Variants in IFIH1 observed in about 807,000 individuals in gnomAD.
The protein encoded by IFIH1 is interferon induced with helicase C domain 1.
In IFIH1, 125 loss-of-function variants were observed where a neutral mutation model predicts 107.4. The observed-to-expected ratio is 1.16, with a 90% CI of 1.01 to 1.35. The LOEUF is 1.35. Among genes scored for constraint, IFIH1 ranks in the 40% most tolerant of loss-of-function variants. The pLI is 0.00. For missense variants in IFIH1, 1,333 were observed against 1,213.7 expected (o/e 1.10, Z -1.46); for synonymous variants, 458 against 413.2 (o/e 1.11, Z -1.31).
chr2:162,291,018 T>C (rs1682987953), intron 4 of IFIH1, among the ~76,000 whole-genome samples: 1 of 151,850 alleles, frequency 6.6e-6, no homozygotes, highest in African/African-American at 2.4e-5. Context: ...TTTGATTGTT[T>C]GTTGTTTGTT....
At position 162,272,053 on chromosome 2, in the gene IFIH1, C is replaced by A. The variant is rs775983670; in HGVS notation, c.2616+173G>T. ...GGAATGGCTCCCTGATAATTTCCTG[C>A]CCACCATGGATCTTGATTCTCTGCA... is the stretch of plus-strand genomic sequence containing the variant. On this transcript the variant is annotated intron_variant, in intron 13 of 15. Coordinates refer to ENST00000649979, the MANE Select transcript of IFIH1 (RefSeq NM_022168.4). 2.0e-5 allele frequency among the ~76,000 whole-genome samples: 3 copies of A among 152,208 alleles called. No homozygotes were observed. The South Asian group carries it at 6.2e-4, about 32-fold the overall frequency.
intron 8 of IFIH1, among the ~76,000 whole-genome samples, chr2:162,279,579 A>T (rs1682769805): frequency 6.6e-6 from 1 of 152,112 alleles, no homozygotes; most frequent in African/African-American, 2.4e-5. Flanking sequence ...CAAATTAGAT[A>T]GGATTCCCAT....
intron 4 of IFIH1, 39 bp from the exon 5 acceptor site, chr2:162,288,394 C>A: frequency 6.7e-7 from 1 of 1,489,808 alleles, no homozygotes; most frequent in Non-Finnish European, 9.3e-7. Flanking sequence ...GAAGGGACAA[C>A]AAAATAACAG....
At chr2:162,297,508 C>G (rs1162130639) in intron 3 of IFIH1, among the ~76,000 whole-genome samples, 1 of 152,076 alleles carries the variant, frequency 6.6e-6, no homozygotes, top group East Asian at 1.9e-4. Flanking sequence ...ATAGTAGTCT[C>G]TATTTTCTCA....
rs539777490 is a variant in IFIH1 at position 162,306,825 on chromosome 2, G to A, written c.653C>T (p.Pro218Leu). ...EIENLSQVDG[P>L]QVEEQLLSTT... ...TGAAAGAAGTTGCTCTTCCACTTGA[G>A]GACCATCAACTTGTGATAAATTCTC... is the stretch of plus-strand genomic sequence containing the variant. Residue 218 changes from proline to leucine, a missense_variant, in exon 3 of 16, where the codon CCT becomes CTT. Physicochemically the swap from Pro to Leu is moderately conservative, Grantham distance 98 (BLOSUM62 -3). Coordinates refer to ENST00000649979, the MANE Select transcript of IFIH1 (RefSeq NM_022168.4). 174 of 1,613,850 alleles carry A rather than the reference G, an allele frequency of 1.1e-4. 2 individuals are homozygous for A. In the South Asian group the frequency reaches 1.7e-3, roughly 16 times the overall value.
At chr2:162,302,718 C>T (rs1683214188) in intron 3 of IFIH1, among the ~76,000 whole-genome samples, 1 of 152,162 alleles carries the variant, frequency 6.6e-6, no homozygotes, top group African/African-American at 2.4e-5. Context: ...ATTCTTAGTC[C>T]TTAAGATAAC....
chr2:162,269,634 C>A (rs1205916990), intron 13 of IFIH1, among the ~76,000 whole-genome samples: 1 of 152,164 alleles, frequency 6.6e-6, no homozygotes, highest in Non-Finnish European at 1.5e-5. Context: ...GCCAAACTGA[C>A]CTCTCATAGA....
At chr2:162,316,884 T>C (rs1008257189) in intron 1 of IFIH1, among the ~76,000 whole-genome samples, 4 of 152,178 alleles carry the variant, frequency 2.6e-5, no homozygotes, top group Admixed American at 2.6e-4. Context: ...ATTCGCCCTG[T>C]CAAAATGCTA....
intron 5 of IFIH1, among the ~76,000 whole-genome samples, chr2:162,285,317 G>C (rs944876210): frequency 6.6e-6 from 1 of 151,936 alleles, no homozygotes. Context: ...TATAACTTTG[G>C]AAAGGACGGA....
At chr2:162,295,121 A>C (rs934578260) in intron 3 of IFIH1, among the ~76,000 whole-genome samples, 22 of 151,982 alleles carry the variant, frequency 1.4e-4, no homozygotes, top group Admixed American at 6.6e-4. Context: ...CGCAACTACC[A>C]TCACAGTTAA....
intron 13 of IFIH1, 106 bp downstream of exon 13, chr2:162,272,120 T>C (rs561127873): frequency 1.0e-5 from 9 of 881,444 alleles, no homozygotes; most frequent in East Asian, 2.6e-5. Context: ...CAGAAACTTA[T>C]AATTCAGCAC....
chr2:162,273,257 G>C (rs752846635), intron 12 of IFIH1, among the ~76,000 whole-genome samples: 1 of 152,164 alleles, frequency 6.6e-6, no homozygotes, highest in African/African-American at 2.4e-5. Context: ...AGTGAAATCT[G>C]AATGAAAACA....
At position 162,272,295 on chromosome 2, in the gene IFIH1, G is replaced by A; in HGVS notation, c.2547C>T (p.Phe849=). ...GVIEHETVND[F]REKMMYKAIH... ...TAGCTTTATACATCATCTTCTCTCG[G>A]AAATCATTAACTGTCTCATGTTCGA... Residue 849 remains phenylalanine (F), a synonymous_variant, in exon 13 of 16, where the codon TTC becomes TTT. Coordinates refer to ENST00000649979, the MANE Select transcript of IFIH1 (RefSeq NM_022168.4). The A allele has an allele frequency of 6.2e-7, 1 of 1,612,886 alleles. No individual in the cohort carries two copies. The highest frequency in any genetic ancestry group is 8.5e-7 in the Non-Finnish European group (1 of 1,179,310).
At chr2:162,285,301 G>A (rs770799356) in intron 5 of IFIH1, among the ~76,000 whole-genome samples, 38 of 151,904 alleles carry the variant, frequency 2.5e-4, no homozygotes, top group Non-Finnish European at 1.9e-4. Flanking sequence ...CTCTGCATTC[G>A]AAGGCTATAA....
intron 4 of IFIH1, 46 bp downstream of exon 4, chr2:162,293,518 G>T: frequency 8.2e-7 from 1 of 1,216,642 alleles, no homozygotes; most frequent in Non-Finnish European, 1.2e-6. Flanking sequence ...ACTATATGGC[G>T]TCTTATTTCA....
At position 162,298,790 on chromosome 2, in the gene IFIH1, G is replaced by GCGCACACACACA. The variant is rs541154436; in HGVS notation, c.770-5123_770-5122insTGTGTGTGTGCG. Among the ~76,000 whole-genome samples, 4 of 149,296 alleles carry GCGCACACACACA rather than the reference G, an allele frequency of 2.7e-5. No homozygotes were observed. In the East Asian group the frequency reaches 7.9e-4, roughly 30 times the overall value. ...TCTACACACACACGCACGCGCGCGC[G>GCGCACACACACA]CACACACACACACACACACACTCAC... On this transcript the variant is annotated intron_variant, in intron 3 of 15. Coordinates refer to ENST00000649979, the MANE Select transcript of IFIH1 (RefSeq NM_022168.4).
chr2:162,312,586 A>G (rs552815471), intron 1 of IFIH1, among the ~76,000 whole-genome samples: 15 of 152,330 alleles, frequency 9.8e-5, no homozygotes, highest in Non-Finnish European at 1.9e-4. Context: ...AAGTGGTTAA[A>G]AATAACTATT....
chr2:162,285,503 A>T (rs954315656), intron 5 of IFIH1, among the ~76,000 whole-genome samples: 1 of 152,012 alleles, frequency 6.6e-6, no homozygotes, highest in Admixed American at 6.6e-5. Flanking sequence ...TAAAATTCAA[A>T]AAGATGGTAT....
intron 8 of IFIH1, among the ~76,000 whole-genome samples, chr2:162,279,273 G>T (rs1484594674): frequency 6.6e-6 from 1 of 151,964 alleles, no homozygotes; most frequent in East Asian, 1.9e-4. Flanking sequence ...ACTAACATTG[G>T]TTTAGTGCCT....
Sources: gnomAD v4.1 joint callset for allele counts (sites outside exome capture counted in the v4.1 genomes callset) on GRCh38, gnomAD v4.1.1 for gene constraint, MANE v1.5 for transcripts, NCBI Gene and HGNC (gene_info 2026-07-23, HGNC 2026-07-21) for gene names.